The following SAMSN1 variants were observed in gnomAD, a reference collection of about 807,000 sequenced individuals.
SAMSN1 encodes SAM domain-containing protein SAMSN-1.
In SAMSN1, 31 loss-of-function variants were observed where a neutral mutation model predicts 42.0. The observed-to-expected ratio is 0.74, with a 90% confidence interval of 0.55 to 1.00. The LOEUF (loss-of-function observed/expected upper bound fraction) is 1.00, where lower values mean the gene tolerates loss of function less well. Ranked by LOEUF, SAMSN1 falls within the 50% of genes least tolerant of loss-of-function variation. SAMSN1 has a pLI of 0.00. For synonymous variants in SAMSN1, 178 were observed against 151.9 expected, an observed-to-expected ratio of 1.17 and a Z score of -1.26; for missense variants, 464 against 439.4, an observed-to-expected ratio of 1.06 and a Z score of -0.50.
At chr21:14,634,712 A>G (rs894636338) in intron 2 of SAMSN1, among the ~76,000 whole-genome samples, 12 of 152,184 alleles carry the variant, frequency 7.9e-5, no homozygotes, top group Admixed American at 2.6e-4. Context: ...TTACACTGTT[A>G]GTGGGAATGT....
At chr21:14,546,841 C>G (rs1017093366), upstream of SAMSN1, among the ~76,000 whole-genome samples, 3 of 152,050 alleles carry the variant, frequency 2.0e-5, no homozygotes, top group African/African-American at 7.2e-5. Flanking sequence ...TCCCAAGTAG[C>G]TGAAATTACA....
intron 2 of SAMSN1, among the ~76,000 whole-genome samples, chr21:14,578,987 G>A (rs1981606102): frequency 6.6e-6 from 1 of 151,866 alleles, no homozygotes; most frequent in Non-Finnish European, 1.5e-5. Flanking sequence ...TAATATGAAA[G>A]TTAAATAACC....
At chr21:14,582,345 A>G in exon 2 of SAMSN1, 1 of 1,550,302 alleles carries the variant, frequency 6.5e-7, no homozygotes, top group Non-Finnish European at 8.7e-7. Flanking sequence ...CAGTTATTTA[A>G]AGTGCTGGAT....
rs71315777 is a variant in SAMSN1 at position 14,492,311 on chromosome 21, C to T, written c.919+6131G>A. Among the ~76,000 whole-genome samples, 198 of 152,280 alleles carry T rather than the reference C, an allele frequency of 1.3e-3. 2 individuals are homozygous for T. Among genetic ancestry groups the T allele is most frequent in the Admixed American group, 4.8e-3 (73 of 15,306 alleles). On this transcript the variant is annotated intron_variant, in intron 7 of 7. Coordinates refer to ENST00000400566, the MANE Select transcript of SAMSN1 (RefSeq NM_022136.5). ...CATAAACTAATCTTGACAACATACT[C>T]GAATACCGATCTGCTTATTACAAAT... is the stretch of plus-strand genomic sequence containing the variant.
chr21:14,629,111 G>A (rs1568836794), intron 2 of SAMSN1, among the ~76,000 whole-genome samples: 1 of 152,054 alleles, frequency 6.6e-6, no homozygotes, highest in African/African-American at 2.4e-5. Context: ...TCACAAAGAA[G>A]CACTATTAGC....
At chr21:14,510,158 A>G in intron 5 of SAMSN1, 152 bp downstream of exon 5, 10 of 702,302 alleles carry the variant, frequency 1.4e-5, no homozygotes, top group Non-Finnish European at 1.9e-5. Flanking sequence ...AAAAAAAAAG[A>G]AAAAAAGTCT....
chr21:14,632,471 T>C (rs1162925852), intron 2 of SAMSN1, among the ~76,000 whole-genome samples: 1 of 152,208 alleles, frequency 6.6e-6, no homozygotes, highest in Non-Finnish European at 1.5e-5. Context: ...TTGTGTATTA[T>C]TTGTATAATT....
At chr21:14,540,643 G>T (rs1979956715) in intron 1 of SAMSN1, among the ~76,000 whole-genome samples, 1 of 152,216 alleles carries the variant, frequency 6.6e-6, no homozygotes, top group Non-Finnish European at 1.5e-5. Context: ...ACAGGTGCTG[G>T]AGAGGATGTG....
chr21:14,520,113 T>C (rs1337527226), intron 2 of SAMSN1, among the ~76,000 whole-genome samples: 1 of 152,236 alleles, frequency 6.6e-6, no homozygotes, highest in Non-Finnish European at 1.5e-5. Flanking sequence ...TATTTCATCG[T>C]GAGTGCTCAA....
intron 1 of SAMSN1, among the ~76,000 whole-genome samples, chr21:14,539,894 TACTACAAG>T (rs1301726335): frequency 2.1e-4 from 32 of 152,156 alleles, no homozygotes; most frequent in South Asian, 2.1e-4. Context: ...CTTCAAACTA[TACTACAAG>T]ACTACAGTAA....
chr21:14,508,659 A>G (rs542653024), intron 5 of SAMSN1, among the ~76,000 whole-genome samples: 1 of 152,372 alleles, frequency 6.6e-6, no homozygotes, highest in East Asian at 1.9e-4. Context: ...GATTCCTTAA[A>G]GAACTAAAAG....
At chr21:14,602,907 T>C (rs1385959045) in intron 5 of SAMSN1, among the ~76,000 whole-genome samples, 1 of 152,202 alleles carries the variant, frequency 6.6e-6, no homozygotes, top group African/African-American at 2.4e-5. Flanking sequence ...TGCACAGTGA[T>C]AAATAGGTGC....
At chr21:14,559,829 C>T (rs78097840) in intron 2 of SAMSN1, among the ~76,000 whole-genome samples, 136 of 152,194 alleles carry the variant, frequency 8.9e-4, no homozygotes, top group African/African-American at 3.1e-3. Context: ...TTTAGGCAGA[C>T]AGAGATAAGA....
chr21:14,539,621 C>A (rs1027489443), intron 1 of SAMSN1, among the ~76,000 whole-genome samples: 2 of 151,680 alleles, frequency 1.3e-5, no homozygotes, highest in Non-Finnish European at 2.9e-5. Context: ...GAACTACAAA[C>A]CATTGCTCAA....
intron 2 of SAMSN1, among the ~76,000 whole-genome samples, chr21:14,581,732 T>C (rs1049236217): frequency 2.0e-5 from 3 of 152,118 alleles, no homozygotes; most frequent in East Asian, 1.9e-4. Context: ...GAGATTTAAA[T>C]GAGATAATAC....
chr21:14,574,884 A>G (rs1981409911), intron 2 of SAMSN1, among the ~76,000 whole-genome samples: 1 of 152,148 alleles, frequency 6.6e-6, no homozygotes, highest in East Asian at 1.9e-4. Flanking sequence ...GCTCTTCTTT[A>G]TCTAATAAAA....
At chr21:14,622,911 C>T (rs1050427789) in intron 2 of SAMSN1, among the ~76,000 whole-genome samples, 1 of 152,230 alleles carries the variant, frequency 6.6e-6, no homozygotes, top group South Asian at 2.1e-4. Flanking sequence ...ATCTGACTAA[C>T]AGCGGACCTC....
intron 4 of SAMSN1, among the ~76,000 whole-genome samples, chr21:14,609,901 CA>C (rs1202407738): frequency 2.0e-5 from 3 of 152,176 alleles, no homozygotes; most frequent in African/African-American, 7.2e-5. Context: ...ATCACTTCCC[CA>C]ATCAATATTC....
chr21:14,612,893 G>A (rs1488111112), exon 4 of SAMSN1: 1 of 706,208 alleles, frequency 1.4e-6, no homozygotes, highest in Non-Finnish European at 2.6e-6. Flanking sequence ...TTTATTTTCA[G>A]ACATAAATCT....
Sources: gnomAD v4.1 joint callset for allele counts (sites outside exome capture counted in the v4.1 genomes callset) on GRCh38, gnomAD v4.1.1 for gene constraint, MANE v1.5 for transcripts, NCBI Gene and HGNC (gene_info 2026-07-23, HGNC 2026-07-21) for gene names.